CD300LF: variants seen among roughly 807,000 people sequenced by gnomAD.
CD300LF encodes CD300 molecule like family member f, also known as CMRF35-like molecule 1.
A neutral mutation model predicts 32.2 loss-of-function variants in CD300LF; 27 were observed. The observed-to-expected ratio is 0.84, with a 90% CI of 0.62 to 1.15. The LOEUF is 1.15. CD300LF is among the 50% of genes most tolerant of loss of function. CD300LF has a pLI of 0.00. For synonymous variants in CD300LF, 139 were observed against 143.2 expected, an observed-to-expected ratio of 0.97 and a Z score of 0.21; for missense variants, 348 against 356.8, an observed-to-expected ratio of 0.98 and a Z score of 0.20.
chr17:74,711,088 G>T (rs1360761433), intron 1 of CD300LF, among the ~76,000 whole-genome samples: 1 of 152,068 alleles, frequency 6.6e-6, no homozygotes, highest in Non-Finnish European at 1.5e-5. Context: ...CTTCCGGATG[G>T]GTATTTTTTT....
At chr17:74,700,739 A>G (rs2032972607) in intron 3 of CD300LF, among the ~76,000 whole-genome samples, 1 of 152,118 alleles carries the variant, frequency 6.6e-6, no homozygotes, top group Admixed American at 6.5e-5. Context: ...GTGACAGAGC[A>G]ACACTCCGTC....
At chr17:74,699,855 A>G (rs998989518) in intron 3 of CD300LF, among the ~76,000 whole-genome samples, 1 of 152,002 alleles carries the variant, frequency 6.6e-6, no homozygotes, top group Non-Finnish European at 1.5e-5. Context: ...AAAATTCTGC[A>G]ACAGGCCAGG....
rs138241550 is a variant in CD300LF at position 74,695,792 on chromosome 17, G to A, written c.650C>T (p.Pro217Leu). The part of the protein sequence containing the change: ...DLTLQLAGTS[P>L]QKATTKLSSA... ...GGAAAGCTTCGTGGTAGCCTTTTGCGGGGAGGTTCCGGCCAGCTGCAGGGT... is the reference window on the plus strand; with the variant it reads ...GGAAAGCTTCGTGGTAGCCTTTTGCAGGGAGGTTCCGGCCAGCTGCAGGGT... Residue 217 changes from proline to leucine, a missense_variant, in exon 6 of 7, where the codon CCG becomes CTG. Coordinates refer to ENST00000326165, the MANE Select transcript of CD300LF (RefSeq NM_139018.5). 8.8e-5 allele frequency: 142 copies of A among 1,614,066 alleles called. No homozygotes were observed. The Middle Eastern group carries it at 1.2e-3, about 13-fold the overall frequency.
intron 4 of CD300LF, 51 bp from the exon 5 acceptor site, chr17:74,696,268 C>A: frequency 6.4e-7 from 1 of 1,566,450 alleles, no homozygotes; most frequent in South Asian, 1.2e-5. Flanking sequence ...CCCAGACTCA[C>A]AAGAACCCCC....
rs2143975008 is a variant in CD300LF at position 74,712,908 on chromosome 17, G to A, written c.-42C>T. On this transcript the variant is annotated 5_prime_UTR_variant, in exon 1 of 7. Transcript: ENST00000326165. ...TCCCCGTTCCCCTCAGTGGAGCCTG[G>A]CAGCAGGAACAAACTACAGACTCCC... The A allele has an allele frequency of 2.5e-6, 4 of 1,606,302 alleles. No homozygotes were observed. The highest frequency in any genetic ancestry group is 3.4e-6 in the Non-Finnish European group (4 of 1,173,942).
Position 74,695,153 on chromosome 17 carries a change from G to A in CD300LF, c.816C>T (p.His272=), listed in dbSNP as rs147820446. The change falls in exon 7 of 7, where the codon CAC becomes CAT. Residue 272 remains histidine (H), a synonymous_variant. Coordinates refer to ENST00000326165, the MANE Select transcript of CD300LF (RefSeq NM_139018.5). ...GCTCCTCAGGGCCCCTGCCGGGGAG[G>A]TGGCTACTGAGGTGGCCCATGTTGC... ...TYCNMGHLSS[H]LPGRGPEEPT... 357 of 1,614,180 alleles carry A rather than the reference G, an allele frequency of 2.2e-4. 2 individuals carry two copies. In the African/African-American group the frequency reaches 3.8e-3, roughly 17 times the overall value.
intron 2 of CD300LF, among the ~76,000 whole-genome samples, chr17:74,704,198 T>A (rs1484783871): frequency 6.6e-6 from 1 of 152,212 alleles, no homozygotes; most frequent in African/African-American, 2.4e-5. Flanking sequence ...GCCCATGGGC[T>A]GAAACTGGGA....
chr17:74,702,968 C>T, intron 3 of CD300LF, 67 bp downstream of exon 3: 4 of 1,319,048 alleles, frequency 3.0e-6, no homozygotes, highest in Non-Finnish European at 4.4e-6. Context: ...GAAAATGGGA[C>T]TTCAAAGAGT....
intron 3 of CD300LF, among the ~76,000 whole-genome samples, 156 bp downstream of exon 3, chr17:74,702,879 C>T (rs1406642083): frequency 6.6e-6 from 1 of 152,194 alleles, no homozygotes; most frequent in Non-Finnish European, 1.5e-5. Context: ...CACCATGTGG[C>T]CTGACAGCAA....
At position 74,694,356 on chromosome 17, in the gene CD300LF, G is replaced by A. The variant is rs942938426; in HGVS notation, c.*740C>T. On this transcript the variant is annotated 3_prime_UTR_variant, in exon 7 of 7. Transcript: ENST00000326165. ...ACAAATTTATTCTCCTGCAATTCTGGAGGCCAGGAGCTCAAGATCAGTTTC... is the reference window on the plus strand; with the variant it reads ...ACAAATTTATTCTCCTGCAATTCTGAAGGCCAGGAGCTCAAGATCAGTTTC... The A allele has an allele frequency of 6.6e-6, 1 of 152,214 alleles. No homozygotes were observed. The highest frequency in any genetic ancestry group is 2.4e-5 in the African/African-American group (1 of 41,456). The allele number at this position is 152,214 out of a possible 1,614,324, so 9.4% of individuals were successfully genotyped here.
intron 3 of CD300LF, among the ~76,000 whole-genome samples, chr17:74,699,272 T>C (rs1249995368): frequency 1.3e-5 from 2 of 152,110 alleles, no homozygotes; most frequent in Non-Finnish European, 2.9e-5. Flanking sequence ...GGTTTTAATG[T>C]GTCTAGAAGC....
intron 1 of CD300LF, among the ~76,000 whole-genome samples, chr17:74,708,779 G>A (rs944031720): frequency 4.6e-5 from 7 of 152,052 alleles, no homozygotes; most frequent in Admixed American, 1.3e-4. Flanking sequence ...AGCCAGGCGT[G>A]GTGGCGGGCG....
rs892029740 is a variant in CD300LF, at chr17:74,712,733, A to G, written c.43+91T>C. 11 of 1,332,088 alleles carry G rather than the reference A, an allele frequency of 8.3e-6. No homozygotes were observed. The African/African-American group carries it at 1.3e-4, about 16-fold the overall frequency. The allele number at this position is 1,332,088 out of a possible 1,614,324, so 82.5% of individuals were successfully genotyped here. ...ACGCACAAGGCTCATGCCATTAAGG[A>G]CACCTTCTGGCCGGGTCCCTTCTTC... is the stretch of plus-strand genomic sequence containing the variant. On this transcript the variant is annotated intron_variant, in intron 1 of 6. Transcript: ENST00000326165.
At chr17:74,698,541 TCCCA>T in intron 3 of CD300LF, 60 bp from the exon 4 acceptor site, 1 of 1,011,280 alleles carries the variant, frequency 9.9e-7, no homozygotes. Context: ...CTCAGCCCAA[TCCCA>T]CCCACCCAGC....
chr17:74,702,925 G>T lies in CD300LF; in HGVS notation c.446+110C>A, dbSNP rs554364790. Reference sequence around the variant, plus strand: ...CTCCCAGCTTCCTCATCCTCACCAAGGAGCATGCAGGTCCCAGACAAAGCT... The same window carrying T: ...CTCCCAGCTTCCTCATCCTCACCAATGAGCATGCAGGTCCCAGACAAAGCT... On this transcript the variant is annotated intron_variant, in intron 3 of 6. Transcript: ENST00000326165. 8.0e-6 allele frequency: 7 copies of T among 877,308 alleles called. No individual in the cohort carries two copies. In the East Asian group the frequency reaches 1.5e-4, roughly 19 times the overall value. The allele number at this position is 877,308 out of a possible 1,614,324, so 54.3% of individuals were successfully genotyped here.
intron 4 of CD300LF, among the ~76,000 whole-genome samples, chr17:74,697,367 G>C (rs751816894): frequency 1.6e-4 from 24 of 152,128 alleles, no homozygotes; most frequent in Non-Finnish European, 2.8e-4. Context: ...GAAATGGGGG[G>C]TTTTCCCCTG....
intron 3 of CD300LF, among the ~76,000 whole-genome samples, chr17:74,700,046 G>A (rs1324297684): frequency 6.6e-6 from 1 of 152,092 alleles, no homozygotes; most frequent in African/African-American, 2.4e-5. Context: ...GGAAGCTGAG[G>A]TGGGAGAATT....
At chr17:74,705,235 G>A (rs1281894436) in intron 1 of CD300LF, 36 of 702,278 alleles carry the variant, frequency 5.1e-5, no homozygotes, top group Middle Eastern at 2.3e-4. Context: ...CCCTCATGAG[G>A]TCGAGCTGAG....
chr17:74,708,311 AT>A (rs1386051870), intron 1 of CD300LF, among the ~76,000 whole-genome samples: 1 of 152,218 alleles, frequency 6.6e-6, no homozygotes, highest in Non-Finnish European at 1.5e-5. Flanking sequence ...CTCCAGACCC[AT>A]ACAGCTTCAA....
Sources: allele counts gnomAD v4.1 joint callset (sites outside exome capture counted in the v4.1 genomes callset), GRCh38; gene constraint gnomAD v4.1.1; transcripts MANE v1.5; gene names NCBI Gene and HGNC (gene_info 2026-07-23, HGNC 2026-07-21).